Variants in CAMK2G observed in about 807,000 individuals in gnomAD.
CAMK2G encodes the protein calcium/calmodulin-dependent protein kinase type II subunit gamma.
In CAMK2G, 23 loss-of-function variants were observed where a neutral mutation model predicts 88.7. The observed-to-expected ratio is 0.26, with a 90% CI of 0.19 to 0.37. The LOEUF is 0.37. CAMK2G is among the 10% of genes least tolerant of loss of function. CAMK2G has a pLI of 1.00. For missense variants in CAMK2G, 476 were observed against 780.8 expected (o/e 0.61, Z 4.65); for synonymous variants, 263 against 294.8 (o/e 0.89, Z 1.11).
At chr10:73,849,359 G>A (rs1336924817) in intron 5 of CAMK2G, 26 bp from the exon 6 acceptor site, 1 of 1,571,124 alleles carries the variant, frequency 6.4e-7, no homozygotes, top group Non-Finnish European at 8.8e-7. Context: ...GAAAAGAAAT[G>A]TTAGCGCAGG....
At position 73,860,932 on chromosome 10, in the gene CAMK2G, T is replaced by C. The variant is rs755215591; in HGVS notation, c.161-43A>G. 3.5e-6 allele frequency: 5 copies of C among 1,415,116 alleles called. No individual in the cohort carries two copies. In the Admixed American group the frequency reaches 5.0e-5, roughly 14 times the overall value. The allele number at this position is 1,415,116 out of a possible 1,614,324, so 87.7% of individuals were successfully genotyped here. A position where few individuals can be genotyped will look rare whatever the true frequency, so the allele number is the denominator to read the frequency against. ...AAAACAAAAGCCATCAACCATCCAT[T>C]CTCCTTGTGGTCACCTTGTTATTCA... On this transcript the variant is annotated intron_variant, in intron 2 of 22. Transcript: ENST00000423381.
intron 18 of CAMK2G, 130 bp downstream of exon 18, chr10:73,821,552 C>G (rs1192700012): frequency 1.4e-6 from 1 of 703,088 alleles, no homozygotes; most frequent in Non-Finnish European, 2.5e-6. Context: ...AGCTTTTATA[C>G]CAAGCCCTCT....
At chr10:73,833,013 G>A (rs2133984725) in intron 14 of CAMK2G, among the ~76,000 whole-genome samples, 1 of 149,704 alleles carries the variant, frequency 6.7e-6, no homozygotes, top group Non-Finnish European at 1.5e-5. Flanking sequence ...CACCCAGGCT[G>A]GAGCGCAGTG....
At position 73,815,262 on chromosome 10, in the gene CAMK2G, G is replaced by C. The variant is rs1169535557; in HGVS notation, c.1535-15C>G. The C allele has an allele frequency of 6.3e-7, 1 of 1,579,990 alleles. No homozygotes were observed. The highest frequency in any genetic ancestry group is 8.7e-7 in the Non-Finnish European group (1 of 1,149,638). On this transcript the variant is annotated splice_polypyrimidine_tract_variant and intron_variant, in intron 21 of 22. Coordinates refer to ENST00000423381, the MANE Select transcript of CAMK2G (RefSeq NM_001367534.1). ...CTTGGACAGGACTGCAGGGCAGGGT[G>C]GGGTAGGTAAGAGGACATCAGGCCT... is the stretch of plus-strand genomic sequence containing the variant.
chr10:73,829,019 C>T (rs921039782), intron 14 of CAMK2G, among the ~76,000 whole-genome samples: 25 of 152,158 alleles, frequency 1.6e-4, no homozygotes, highest in African/African-American at 6.0e-4. Flanking sequence ...GTAATATGTC[C>T]GTCTGTCGTT....
intron 5 of CAMK2G, among the ~76,000 whole-genome samples, chr10:73,851,757 G>GC (rs57086116): frequency 2.7e-5 from 4 of 146,952 alleles, no homozygotes; most frequent in Admixed American, 6.7e-5. Context: ...TTGTGGGGGG[G>GC]GGGAGGGGGA....
At chr10:73,872,053 AC>A (rs2095851311) in intron 2 of CAMK2G, among the ~76,000 whole-genome samples, 1 of 152,158 alleles carries the variant, frequency 6.6e-6, no homozygotes, top group African/African-American at 2.4e-5. Context: ...GAGTTTCACA[AC>A]CTTTGTCCCC....
intron 14 of CAMK2G, among the ~76,000 whole-genome samples, chr10:73,833,860 A>C (rs1194519991): frequency 6.8e-6 from 1 of 147,740 alleles, no homozygotes; most frequent in East Asian, 2.0e-4. Flanking sequence ...CAGCATCCCA[A>C]AGTGCTGGGA....
At chr10:73,820,484 ATATATATAT>A (rs1565179899) in intron 18 of CAMK2G, among the ~76,000 whole-genome samples, 2 of 36,096 alleles carry the variant, frequency 5.5e-5, no homozygotes, top group African/African-American at 3.3e-4. Context: ...ATATATATAT[ATATATATAT>A]TTTTTTTTTT....
chr10:73,839,637 G>C lies in CAMK2G; in HGVS notation c.947-36C>G, dbSNP rs371595451. The C allele has an allele frequency of 8.4e-7, 1 of 1,184,148 alleles. No homozygotes were observed. 73.4% of individuals were successfully genotyped at this position (1,184,148 alleles called of 1,614,324 possible). ...ACAGTCTCTCAGTGCACAGAGCCCC[G>C]CAAAGCCACGGGGCCGTCAGCAGCG... On this transcript the variant is annotated intron_variant, in intron 12 of 22. Transcript: ENST00000423381. This position sits in a 1 kb window ranked among gnomAD's most constrained non-coding sequence, Gnocchi z 4.2.
chr10:73,854,841 C>T (rs771938457), intron 3 of CAMK2G, among the ~76,000 whole-genome samples: 4 of 152,082 alleles, frequency 2.6e-5, no homozygotes, highest in Admixed American at 1.3e-4. Context: ...CTGCCAGGGC[C>T]GGAGCCAGGG....
In CAMK2G at chr10:73,815,083, G is replaced by A. The variant is rs2084974621; in HGVS notation, c.1699C>T (p.Arg567Cys). ...SQSEETRVWHRRDGKWLNVHY... is the reference protein window; with the variant it reads ...SQSEETRVWHCRDGKWLNVHY... ...ACATTGAGCCACTTGCCATCCCGACGGTGCCAGACCCGGGTCTCTTCTGAC... is the reference window on the plus strand; with the variant it reads ...ACATTGAGCCACTTGCCATCCCGACAGTGCCAGACCCGGGTCTCTTCTGAC... The change falls in exon 22 of 23, where the codon CGT becomes TGT. Residue 567 changes from arginine to cysteine, a missense_variant. Transcript: ENST00000423381. 6.2e-7 allele frequency: 1 copy of A among 1,614,222 alleles called. No individual in the cohort carries two copies.
chr10:73,817,588 T>G, intron 19 of CAMK2G, 34 bp from the exon 20 acceptor site: 1 of 1,468,370 alleles, frequency 6.8e-7, no homozygotes, highest in Non-Finnish European at 9.6e-7. Context: ...ATTTACCTAC[T>G]GGGGAACCTC....
At position 73,842,221 on chromosome 10, in the gene CAMK2G, G is replaced by C. The variant is rs1000068579; in HGVS notation, c.904-10C>G. 1 of 1,609,700 alleles carries C rather than the reference G, an allele frequency of 6.2e-7. No homozygotes were observed. The highest frequency in any genetic ancestry group is 2.2e-5 in the East Asian group (1 of 44,888). On this transcript the variant is annotated splice_polypyrimidine_tract_variant and intron_variant, in intron 11 of 22. Coordinates refer to ENST00000423381, the MANE Select transcript of CAMK2G (RefSeq NM_001367534.1). The surrounding 1 kb of genome is among the most constrained non-coding windows in gnomAD (Gnocchi z 4.6). ...TCGTGAGGATGGCACCCTGGGGAAAGAGGAAGGTCCTGTGAATTCACTGAG... is the reference window on the plus strand; with the variant it reads ...TCGTGAGGATGGCACCCTGGGGAAACAGGAAGGTCCTGTGAATTCACTGAG...
chr10:73,860,613 C>T (rs2095330582), intron 3 of CAMK2G, among the ~76,000 whole-genome samples: 1 of 152,176 alleles, frequency 6.6e-6, no homozygotes, highest in Non-Finnish European at 1.5e-5. Flanking sequence ...ATGCCTCACA[C>T]CCCAGCCCTG....
intron 2 of CAMK2G, among the ~76,000 whole-genome samples, chr10:73,869,134 G>A (rs2095708102): frequency 1.3e-5 from 2 of 152,212 alleles, no homozygotes; most frequent in African/African-American, 2.4e-5. Flanking sequence ...AGTGGCTCAT[G>A]CCTCACCTGC....
intron 4 of CAMK2G, chr10:73,852,772 T>C (rs941880894): frequency 2.5e-5 from 6 of 241,398 alleles, no homozygotes; most frequent in Non-Finnish European, 4.0e-5. Flanking sequence ...GAGCCACTTT[T>C]AAGACATTAA....
At chr10:73,860,800 C>T (rs879275172) in intron 3 of CAMK2G, 30 bp downstream of exon 3, 19 of 1,558,622 alleles carry the variant, frequency 1.2e-5, no homozygotes, top group Admixed American at 6.7e-5. Flanking sequence ...TACAAAATAC[C>T]CACAAAATGC....
At position 73,851,630 on chromosome 10, in the gene CAMK2G, G is replaced by A. The variant is rs567671133; in HGVS notation, c.341+624C>T. Among the ~76,000 whole-genome samples, 91 of 152,230 alleles carry A rather than the reference G, an allele frequency of 6.0e-4. 1 individual carries two copies. The highest frequency in any genetic ancestry group is 3.4e-3 in the Middle Eastern group (1 of 292). On this transcript the variant is annotated intron_variant, in intron 5 of 22. Coordinates refer to ENST00000423381, the MANE Select transcript of CAMK2G (RefSeq NM_001367534.1). ...GTCAAAGGAAAGAAAAGGGCAGAGG[G>A]GGACATTGGGCATGGTGGCGAGTAC...
Sources: gnomAD v4.1 joint callset for allele counts (sites outside exome capture counted in the v4.1 genomes callset) on GRCh38, gnomAD v4.1.1 for gene constraint, Gnocchi (gnomAD v3.1) non-coding constraint, MANE v1.5 for transcripts, NCBI Gene and HGNC (gene_info 2026-07-23, HGNC 2026-07-21) for gene names.